Variants in HTR4 observed in about 807,000 individuals in gnomAD.
HTR4 encodes the protein 5-hydroxytryptamine (serotonin) receptor 4, G protein-coupled.
Under a neutral mutation model 36.8 loss-of-function variants are expected in HTR4, and 16 were observed. The ratio of observed to expected loss-of-function variants is 0.43; its 90% confidence interval spans 0.29 to 0.66. The LOEUF (loss-of-function observed/expected upper bound fraction) is 0.66. Among genes scored for constraint, HTR4 ranks in the 30% least tolerant of loss-of-function variants. The pLI is 0.13. For synonymous variants in HTR4, 189 were observed against 185.1 expected (o/e 1.02, Z -0.17); for missense variants, 438 against 490.9 (o/e 0.89, Z 1.02).
intron 6 of HTR4, among the ~76,000 whole-genome samples, chr5:148,486,222 T>C (rs1487997589): frequency 6.6e-6 from 1 of 152,188 alleles, no homozygotes; most frequent in African/African-American, 2.4e-5. Context: ...TATATTTACA[T>C]AATTGTTCAC....
intron 6 of HTR4, among the ~76,000 whole-genome samples, chr5:148,485,103 C>T (rs960625303): frequency 7.2e-5 from 11 of 152,022 alleles, no homozygotes; most frequent in African/African-American, 2.7e-4. Context: ...TTTCTCATCT[C>T]TCATTGGCCA....
intron 6 of HTR4, among the ~76,000 whole-genome samples, chr5:148,494,517 G>T (rs1317883856): frequency 2.0e-5 from 3 of 151,670 alleles, no homozygotes; most frequent in African/African-American, 7.3e-5. Context: ...CATTTTCTCC[G>T]CTATTGATTT....
chr5:148,627,017 G>A (rs1011507296), intron 2 of HTR4, among the ~76,000 whole-genome samples: 4 of 152,066 alleles, frequency 2.6e-5, no homozygotes, highest in Admixed American at 2.0e-4. Flanking sequence ...TCCTCCTCAT[G>A]CAATTCATCA....
In HTR4 at chr5:148,548,713, A is replaced by G; in HGVS notation, c.308T>C (p.Leu103Pro). ...CLVRTSLDVL[L>P]TTASIFHLCC... ...CAGGTGAAAAATCGATGCCGTTGTG[A>G]GCAGGACGTCCAGAGATGTCCGAAC... Residue 103 changes from leucine (L) to proline (P), a missense_variant, in exon 4 of 7, where the codon CTC becomes CCC. Transcript: ENST00000377888. The G allele has an allele frequency of 6.2e-7, 1 of 1,611,818 alleles. No homozygotes were observed. The highest frequency in any genetic ancestry group is 8.5e-7 in the Non-Finnish European group (1 of 1,178,766).
intron 6 of HTR4, among the ~76,000 whole-genome samples, chr5:148,507,261 A>G (rs957310141): frequency 1.3e-5 from 2 of 151,612 alleles, no homozygotes; most frequent in Non-Finnish European, 2.9e-5. Flanking sequence ...ATTCTCAGCA[A>G]ACTATCGCAA....
chr5:148,469,594 G>T (rs1358819943), intron 5 of HTR4, among the ~76,000 whole-genome samples: 4 of 152,182 alleles, frequency 2.6e-5, no homozygotes, highest in Non-Finnish European at 5.9e-5. Context: ...CACGGGGGTT[G>T]TGTTTGTTTG....
At chr5:148,623,834 C>T (rs1192090392) in intron 2 of HTR4, among the ~76,000 whole-genome samples, 3 of 152,150 alleles carry the variant, frequency 2.0e-5, no homozygotes, top group African/African-American at 7.2e-5. Flanking sequence ...GAGGTAACAG[C>T]AACTGCAGAT....
intron 5 of HTR4, among the ~76,000 whole-genome samples, chr5:148,514,677 A>C (rs536773370): frequency 6.6e-6 from 1 of 152,262 alleles, no homozygotes; most frequent in African/African-American, 2.4e-5. Flanking sequence ...ACTCACAAAC[A>C]TGCTATTTTA....
In HTR4 at chr5:148,547,335, C is replaced by G. The variant is rs894651842; in HGVS notation, c.353+1333G>C. Among the ~76,000 whole-genome samples the G allele has an allele frequency of 6.6e-5, 10 of 151,772 alleles. No individual in the cohort carries two copies. The East Asian group carries it at 1.9e-3, about 29-fold the overall frequency. On this transcript the variant is annotated intron_variant, in intron 4 of 6. Transcript: ENST00000377888. The stretch of plus-strand genomic sequence containing the variant: ...TCAATTTAAAAAAAACAGTGATTGT[C>G]GGTGAAACCCCGTCTCTACTAAAAA...
intron 1 of HTR4, chr5:148,645,703 C>T (rs1753860523): frequency 6.6e-6 from 1 of 152,190 alleles, no homozygotes; most frequent in Non-Finnish European, 1.5e-5. Context: ...AAAGCAGGTG[C>T]TCAATGAGTT....
At chr5:148,621,524 G>C (rs1446254425) in intron 2 of HTR4, among the ~76,000 whole-genome samples, 2 of 152,216 alleles carry the variant, frequency 1.3e-5, no homozygotes, top group African/African-American at 4.8e-5. Context: ...TGGTAGCATA[G>C]AGAGACCAAT....
downstream of HTR4, chr5:148,481,531 G>C (rs1384478335): frequency 1.3e-6 from 2 of 1,517,176 alleles, no homozygotes; most frequent in Admixed American, 4.1e-5. Context: ...ATAGGACAGA[G>C]AGGCTTTTTT....
chr5:148,622,998 G>A (rs571028921), intron 2 of HTR4, among the ~76,000 whole-genome samples: 2 of 152,286 alleles, frequency 1.3e-5, no homozygotes, highest in African/African-American at 2.4e-5. Context: ...GGGGGATAAA[G>A]CTGTTGAGGA....
At chr5:148,611,761 G>T (rs1752438851) in intron 2 of HTR4, among the ~76,000 whole-genome samples, 1 of 151,698 alleles carries the variant, frequency 6.6e-6, no homozygotes, top group Non-Finnish European at 1.5e-5. Flanking sequence ...AGACCCATCA[G>T]TGTGCTGTAT....
rs377659602 is a variant in HTR4, at chr5:148,639,051, AAAAG to A, written c.-47-1994_-47-1991del. On this transcript the variant is annotated intron_variant, in intron 1 of 6. Transcript: ENST00000377888. ...GACAAAGTGAGACCCTGTCTCAAGA[AAAAG>A]AAAGAAAGAAAAAAAGTAAAAGAAA... Among the ~76,000 whole-genome samples, 12 of 152,194 alleles carry A rather than the reference AAAAG, an allele frequency of 7.9e-5. No homozygotes were observed. The East Asian group carries it at 1.5e-3, about 20-fold the overall frequency.
In HTR4 at chr5:148,592,474, C is replaced by T. The variant is rs116643211; in HGVS notation, c.27-42212G>A. Among the ~76,000 whole-genome samples the T allele has an allele frequency of 2.0e-3, 305 of 151,542 alleles. 2 individuals are homozygous for T. The highest frequency in any genetic ancestry group is 6.8e-3 in the African/African-American group (281 of 41,372). ...CTCTCAGCTCTCTAAGGATAAAAGC[C>T]CCATGTCTTCTAGTCTGTACTGTTG... On this transcript the variant is annotated intron_variant, in intron 2 of 6. Coordinates refer to ENST00000377888, the MANE Select transcript of HTR4 (RefSeq NM_000870.7).
At chr5:148,605,434 T>A (rs1752118660) in intron 2 of HTR4, among the ~76,000 whole-genome samples, 1 of 151,544 alleles carries the variant, frequency 6.6e-6, no homozygotes, top group South Asian at 2.1e-4. Flanking sequence ...AATTTTTGTA[T>A]TTTTGTAGAG....
chr5:148,516,357 T>C (rs936922169), intron 5 of HTR4, among the ~76,000 whole-genome samples: 2 of 141,226 alleles, frequency 1.4e-5, no homozygotes, highest in Non-Finnish European at 3.0e-5. Context: ...TCTTGCTGTG[T>C]CACCCAGGCT....
At chr5:148,579,719 T>A (rs1450659323) in intron 2 of HTR4, among the ~76,000 whole-genome samples, 1 of 152,022 alleles carries the variant, frequency 6.6e-6, no homozygotes, top group Admixed American at 6.6e-5. Flanking sequence ...GACCCCATTC[T>A]CTTGCTGCTG....
Sources: gnomAD v4.1 joint callset for allele counts (sites outside exome capture counted in the v4.1 genomes callset) on GRCh38, gnomAD v4.1.1 for gene constraint, MANE v1.5 for transcripts, NCBI Gene and HGNC (gene_info 2026-07-23, HGNC 2026-07-21) for gene names.